The following CAPN12 variants were observed in gnomAD, a reference collection of about 807,000 sequenced individuals.
CAPN12 encodes calpain 12, also known as calpain-12.
CAPN12 carries 107 observed loss-of-function variants against 95.0 expected under a neutral mutation model. The observed-to-expected ratio is 1.13, with a 90% CI of 0.96 to 1.32. The LOEUF (loss-of-function observed/expected upper bound fraction) is 1.32, where lower values mean the gene tolerates loss of function less well. CAPN12 is among the 40% of genes most tolerant of loss of function. CAPN12 has a pLI of 0.00. For synonymous variants in CAPN12, 505 were observed against 415.5 expected, an observed-to-expected ratio of 1.22 and a Z score of -2.62; for missense variants, 1,136 against 997.8, an observed-to-expected ratio of 1.14 and a Z score of -1.87.
chr19:38,734,676 G>A (rs1446875214), intron 15 of CAPN12, 137 bp downstream of exon 15: 1 of 766,488 alleles, frequency 1.3e-6, no homozygotes, highest in Admixed American at 2.8e-5. Flanking sequence ...GCAGGGAGAT[G>A]CTGCCAGGCT....
rs778235014 is a variant in CAPN12, at chr19:38,734,130, C to G, written c.1878+12G>C. 1.2e-6 allele frequency: 2 copies of G among 1,612,264 alleles called. No individual in the cohort carries two copies. The highest frequency in any genetic ancestry group is 1.7e-6 in the Non-Finnish European group (2 of 1,179,594). ...CTCTCTTTCTGGGAAGAGGCCCAGTCTCCCACCTCACCTGCCACTCCAGGA... is the reference window on the plus strand; with the variant it reads ...CTCTCTTTCTGGGAAGAGGCCCAGTGTCCCACCTCACCTGCCACTCCAGGA... On this transcript the variant is annotated intron_variant, in intron 17 of 20. Coordinates refer to ENST00000328867, the MANE Select transcript of CAPN12 (RefSeq NM_144691.4).
Position 38,735,434 on chromosome 19 carries a change from C to T in CAPN12, c.1627-5G>A, listed in dbSNP as rs574741737. The stretch of plus-strand genomic sequence containing the variant: ...CTCCAGGGGCAGGTAGGGGCCCTGC[C>T]GCATGGCGGAAGTTTAGCGCTGGCC... On this transcript the variant is annotated splice_polypyrimidine_tract_variant and splice_region_variant and intron_variant, in intron 13 of 20. Transcript: ENST00000328867. The T allele has an allele frequency of 3.1e-6, 5 of 1,610,820 alleles. No individual in the cohort carries two copies. The highest frequency in any genetic ancestry group is 1.7e-4 in the Middle Eastern group (1 of 6,036).
chr19:38,731,272 TGGCATTGCATCCCC>T (rs769068520), intron 18 of CAPN12, 49 bp from the exon 19 acceptor site: 48 of 1,437,576 alleles, frequency 3.3e-5, no homozygotes, highest in Non-Finnish European at 4.7e-5. Flanking sequence ...GAACCCACCT[TGGCATTGCATCCCC>T]ACCCCACCTC....
rs747587134 is a variant in CAPN12, at chr19:38,734,395, G to A, written c.1745-6C>T. ...GGTGGAGGTATGGGCCCTGGCTACAGGAAAAACAAAGTCAAACCACAGCAC... is the reference window on the plus strand; with the variant it reads ...GGTGGAGGTATGGGCCCTGGCTACAAGAAAAACAAAGTCAAACCACAGCAC... On this transcript the variant is annotated splice_region_variant and splice_polypyrimidine_tract_variant and intron_variant, in intron 15 of 20. Coordinates refer to ENST00000328867, the MANE Select transcript of CAPN12 (RefSeq NM_144691.4). 6.8e-5 allele frequency: 107 copies of A among 1,578,848 alleles called. No individual in the cohort carries two copies. The highest frequency in any genetic ancestry group is 8.8e-5 in the Non-Finnish European group (102 of 1,164,044).
chr19:38,744,237 C>T lies in CAPN12; in HGVS notation c.-72G>A. The T allele has an allele frequency of 7.1e-7, 1 of 1,402,418 alleles. No homozygotes were observed. The highest frequency in any genetic ancestry group is 1.0e-6 in the Non-Finnish European group (1 of 996,034). The allele number at this position is 1,402,418 out of a possible 1,614,324, so 86.9% of individuals were successfully genotyped here. A position where few individuals can be genotyped will look rare whatever the true frequency, so the allele number is the denominator to read the frequency against. On this transcript the variant is annotated 5_prime_UTR_variant, in exon 1 of 21. It removes an upstream start codon present in the reference 5' UTR. Transcript: ENST00000328867. ...AGTCACGGGGGCGGGGCCTCTCTTC[C>T]ATTGGAGCCCCAGTGGGGTCTTTAG...
chr19:38,735,307 G>GAAGGGGGGTCCCC, intron 14 of CAPN12, 63 bp downstream of exon 14: 2 of 1,471,164 alleles, frequency 1.4e-6, no homozygotes, highest in East Asian at 2.3e-5. Context: ...TGGGGTGGGG[G>GAAGGGGGGTCCCC]AAGGGGGGTC....
chr19:38,740,986 G>A (rs1055983971), intron 4 of CAPN12, among the ~76,000 whole-genome samples: 3 of 151,928 alleles, frequency 2.0e-5, no homozygotes, highest in African/African-American at 4.8e-5. Flanking sequence ...GTAGATGTCC[G>A]CTTTGGGGGA....
At chr19:38,733,964 T>C (rs1247442978) in intron 17 of CAPN12, 178 bp downstream of exon 17, 2 of 801,026 alleles carry the variant, frequency 2.5e-6, no homozygotes, top group Non-Finnish European at 4.0e-6. Context: ...ATAAGAGCAA[T>C]GACCCAGAGG....
chr19:38,736,266 A>G lies in CAPN12; in HGVS notation c.1427T>C (p.Leu476Pro). 1 of 1,461,026 alleles carries G rather than the reference A, an allele frequency of 6.8e-7. No homozygotes were observed. Among genetic ancestry groups the G allele is most frequent in the Non-Finnish European group, 9.0e-7 (1 of 1,115,756 alleles). The allele number at this position is 1,461,026 out of a possible 1,614,324, so 90.5% of individuals were successfully genotyped here. A position where few individuals can be genotyped will look rare whatever the true frequency, so the allele number is the denominator to read the frequency against. ...PRSHALLPRLLRADRSPLSAR... is the reference protein window; with the variant it reads ...PRSHALLPRLPRADRSPLSAR... ...GCTGAGGGGCGAGCGGTCGGCGCGC[A>G]GCAGCCGGGGCAGGAGCGCATGGCT... Residue 476 changes from leucine (L) to proline (P), a missense_variant, in exon 12 of 21, where the codon CTG becomes CCG. Physicochemically the swap from Leu to Pro is moderately conservative, Grantham distance 98 (BLOSUM62 -3). Transcript: ENST00000328867.
chr19:38,740,324 G>T, intron 4 of CAPN12, 105 bp from the exon 5 acceptor site: 1 of 1,222,122 alleles, frequency 8.2e-7, no homozygotes, highest in Non-Finnish European at 1.1e-6. Flanking sequence ...GGAATCCCCA[G>T]GGGAAATTCC....
rs1340448856 is a variant in CAPN12 at position 38,737,260 on chromosome 19, G to A, written c.1258C>T (p.Arg420Cys). 9 of 1,548,752 alleles carry A rather than the reference G, an allele frequency of 5.8e-6. No individual in the cohort carries two copies. The highest frequency in any genetic ancestry group is 7.8e-6 in the Non-Finnish European group (9 of 1,147,410). The part of the protein sequence containing the change: ...AGARGPARGG[R>C]TPKCTVLLSL... ...AGAAGGACCGTGCACTTGGGCGTGCGGCCCCCCCGCGCTGGGCCCCGTGCC... is the reference window on the plus strand; with the variant it reads ...AGAAGGACCGTGCACTTGGGCGTGCAGCCCCCCCGCGCTGGGCCCCGTGCC... The change falls in exon 10 of 21, where the codon CGC (arginine) becomes TGC (cysteine). Residue 420 changes from arginine (R) to cysteine (C), a missense_variant. Physicochemically the swap from Arg to Cys is radical, Grantham distance 180. Transcript: ENST00000328867.
chr19:38,735,108 G>A, intron 14 of CAPN12: 1 of 606,640 alleles, frequency 1.6e-6, no homozygotes, highest in Non-Finnish European at 2.9e-6. Context: ...AGAGCTTCCA[G>A]GGCTGGGCAC....
chr19:38,744,010 A>G lies in CAPN12; in HGVS notation c.156T>C (p.Pro52=). The part of the protein sequence containing the change: ...SGILFRDPYF[P]AGPDALGYDQ... ...CATAGCCAAGGGCATCAGGGCCAGC[A>G]GGGAAGTAAGGGTCGCGGAACAGGA... The change falls in exon 1 of 21, where the codon CCT becomes CCC. Residue 52 remains proline (P), a synonymous_variant. Transcript: ENST00000328867. 6.2e-7 allele frequency: 1 copy of G among 1,614,252 alleles called. No homozygotes were observed. The highest frequency in any genetic ancestry group is 8.5e-7 in the Non-Finnish European group (1 of 1,180,044).
chr19:38,741,422 A>G (rs1970536594), intron 4 of CAPN12, among the ~76,000 whole-genome samples: 3 of 151,982 alleles, frequency 2.0e-5, no homozygotes, highest in Admixed American at 2.0e-4. Flanking sequence ...AAAATATAAA[A>G]ATTAGCCAGG....
At chr19:38,731,434 A>T in intron 18 of CAPN12, 1 of 595,370 alleles carries the variant, frequency 1.7e-6, no homozygotes, top group Admixed American at 2.8e-5. Flanking sequence ...CCCCGACCCC[A>T]TAGGGTGTGT....
intron 18 of CAPN12, chr19:38,733,286 C>CAAAGAGATGA (rs1969768284): frequency 1.2e-5 from 2 of 166,094 alleles, no homozygotes; most frequent in Admixed American, 1.2e-4. Flanking sequence ...AATGGAGGCT[C>CAAAGAGATGA]AAAGAGATGA....
intron 19 of CAPN12, 24 bp from the exon 20 acceptor site, chr19:38,731,047 G>A (rs1969551643): frequency 6.4e-7 from 1 of 1,557,912 alleles, no homozygotes; most frequent in African/African-American, 1.4e-5. Flanking sequence ...GGCAGGGTGA[G>A]TGCCCACCAG....
chr19:38,743,477 C>T (rs1284501975), intron 1 of CAPN12, among the ~76,000 whole-genome samples: 46 of 93,768 alleles, frequency 4.9e-4, no homozygotes, highest in Non-Finnish European at 5.1e-4. Context: ...AGTCCAGGTC[C>T]CGAGCCCCTC....
intron 5 of CAPN12, chr19:38,739,572 GTAAA>G (rs1367108122): frequency 6.6e-6 from 1 of 152,110 alleles, no homozygotes; most frequent in Non-Finnish European, 1.5e-5. Flanking sequence ...GAGGATTTAA[GTAAA>G]TGAATGAGTG....
Sources: gnomAD v4.1 joint callset for allele counts (sites outside exome capture counted in the v4.1 genomes callset) on GRCh38, gnomAD v4.1.1 for gene constraint, MANE v1.5 for transcripts, NCBI Gene and HGNC (gene_info 2026-07-23, HGNC 2026-07-21) for gene names.